Variants in PLCE1 observed in about 807,000 individuals in gnomAD.
PLCE1 encodes the protein 1-phosphatidylinositol 4,5-bisphosphate phosphodiesterase epsilon-1.
In PLCE1, 119 loss-of-function variants were observed where a neutral mutation model predicts 242.8. The ratio of observed to expected loss-of-function variants is 0.49; its 90% CI spans 0.42 to 0.57. The LOEUF is 0.57. PLCE1 is among the 20% of genes least tolerant of loss of function. The pLI, the probability that PLCE1 is intolerant of heterozygous loss-of-function variation, is 0.00. For synonymous variants in PLCE1, 945 were observed against 1,017.4 expected, an observed-to-expected ratio of 0.93 and a Z score of 1.35; for missense variants, 2,441 against 2,788.8, an observed-to-expected ratio of 0.88 and a Z score of 2.81.
chr10:94,068,938 C>T (rs2044276059), intron 2 of PLCE1, among the ~76,000 whole-genome samples: 1 of 152,240 alleles, frequency 6.6e-6, no homozygotes, highest in Non-Finnish European at 1.5e-5. Flanking sequence ...TTATTTACCT[C>T]TTATTCACTA....
intron 2 of PLCE1, among the ~76,000 whole-genome samples, chr10:94,077,904 A>C (rs988604049): frequency 5.9e-5 from 9 of 152,260 alleles, no homozygotes; most frequent in African/African-American, 2.2e-4. Flanking sequence ...TAAAAGTAAA[A>C]AGTACTCTTT....
intron 4 of PLCE1, among the ~76,000 whole-genome samples, chr10:94,198,072 C>A (rs1162443604): frequency 7.8e-6 from 1 of 127,774 alleles, no homozygotes; most frequent in South Asian, 2.3e-4. Flanking sequence ...CCACCCCCCA[C>A]CAAAAAAAAA....
intron 3 of PLCE1, among the ~76,000 whole-genome samples, chr10:94,140,568 A>G (rs1425192791): frequency 6.6e-6 from 1 of 152,230 alleles, no homozygotes; most frequent in African/African-American, 2.4e-5. Context: ...TTCTTTCACT[A>G]CAATAAGCTT....
chr10:94,287,999 T>A (rs1028397287), intron 22 of PLCE1, among the ~76,000 whole-genome samples: 2 of 152,130 alleles, frequency 1.3e-5, no homozygotes, highest in Non-Finnish European at 2.9e-5. Context: ...TGGAGCTCCT[T>A]CATTTATAGG....
intron 2 of PLCE1, among the ~76,000 whole-genome samples, chr10:94,084,709 C>G (rs183479092): frequency 1.1e-3 from 163 of 152,298 alleles, no homozygotes; most frequent in South Asian, 1.9e-3. Context: ...GGAAAAATTT[C>G]TCTTGCTGCT....
chr10:94,220,438 G>A (rs2049701457), intron 4 of PLCE1, among the ~76,000 whole-genome samples: 1 of 120,586 alleles, frequency 8.3e-6, no homozygotes, highest in South Asian at 2.9e-4. Context: ...TATTGTAATA[G>A]AAACATGCTC....
At chr10:94,011,384 C>G in intron 1 of PLCE1, among the ~76,000 whole-genome samples, 1 of 152,144 alleles carries the variant, frequency 6.6e-6, no homozygotes, top group East Asian at 1.9e-4. Flanking sequence ...TACAGTATCT[C>G]CCACTAGGCC....
chr10:94,098,543 C>T (rs2045400323), intron 2 of PLCE1, among the ~76,000 whole-genome samples: 1 of 152,122 alleles, frequency 6.6e-6, no homozygotes, highest in South Asian at 2.1e-4. Context: ...TCAGACTTCC[C>T]TGATTGTCTT....
At chr10:94,204,811 T>G (rs1050225676) in intron 4 of PLCE1, among the ~76,000 whole-genome samples, 1 of 139,956 alleles carries the variant, frequency 7.1e-6, no homozygotes, top group Non-Finnish European at 1.5e-5. Flanking sequence ...AGCAAAATAA[T>G]GTGTGCTGTA....
rs548267021 is a variant in PLCE1 at position 94,291,829 on chromosome 10, G to T, written c.5036-1679G>T. On this transcript the variant is annotated intron_variant, in intron 22 of 32. Coordinates refer to ENST00000371380, the MANE Select transcript of PLCE1 (RefSeq NM_016341.4). Reference sequence around the variant, plus strand: ...AAGTGAGCCAACGGGGTAGATGAAGGTTCTTTGTTGCTTCTTCATTATTTT... The same window carrying T: ...AAGTGAGCCAACGGGGTAGATGAAGTTTCTTTGTTGCTTCTTCATTATTTT... Among the ~76,000 whole-genome samples, 157 of 152,234 alleles carry T rather than the reference G, an allele frequency of 1.0e-3. 1 individual carries two copies. Among genetic ancestry groups the T allele is most frequent in the Non-Finnish European group, 6.8e-4 (46 of 68,000 alleles).
At chr10:94,170,862 G>C (rs927080952) in intron 3 of PLCE1, among the ~76,000 whole-genome samples, 3 of 152,114 alleles carry the variant, frequency 2.0e-5, no homozygotes, top group African/African-American at 7.2e-5. Flanking sequence ...GGAGGATAAG[G>C]AAGCAAATGG....
chr10:94,106,943 T>TCTCTCTCTCTCTCTCTCTCTCTCTCC (rs1222191133), intron 2 of PLCE1: 8 of 122,542 alleles, frequency 6.5e-5, no homozygotes, highest in African/African-American at 9.9e-5. Flanking sequence ...TCTCTCTCTC[T>TCTCTCTCTCTCTCTCTCTCTCTCTCC]CCCCCTCCCC....
At chr10:94,015,121 G>A (rs151228830) in intron 1 of PLCE1, among the ~76,000 whole-genome samples, 19 of 152,318 alleles carry the variant, frequency 1.2e-4, no homozygotes, top group Admixed American at 4.6e-4. Context: ...ATACCTCACC[G>A]CAGTTCCTGT....
At chr10:94,050,422 A>G (rs1589919394) in intron 2 of PLCE1, among the ~76,000 whole-genome samples, 1 of 152,156 alleles carries the variant, frequency 6.6e-6, no homozygotes, top group African/African-American at 2.4e-5. Context: ...TGCAATCTCC[A>G]GTCACCTCCC....
In PLCE1 at chr10:94,258,840, G is replaced by A. The variant is rs199781223; in HGVS notation, c.3595G>A (p.Gly1199Ser). ...SSSWHGRIKG[G>S]MKGFQSFMVS... ...TAGCTGGCACGGGCGGATCAAAGGC[G>A]GCATGAAGGGATTTCAGAGCTTCAT... Residue 1199 changes from glycine (G) to serine (S), a missense_variant, in exon 12 of 33, where the codon GGC becomes AGC. Around this residue, in one of 5 missense-constraint regions of PLCE1, gnomAD observed 1,004 missense variants for 1,322.7 expected, o/e 0.76. Transcript: ENST00000371380. 459 of 1,614,028 alleles carry A rather than the reference G, an allele frequency of 2.8e-4. No individual in the cohort carries two copies. The African/African-American group carries it at 4.2e-3, about 15-fold the overall frequency.
intron 3 of PLCE1, among the ~76,000 whole-genome samples, chr10:94,144,410 T>A (rs1339011371): frequency 1.3e-5 from 2 of 152,202 alleles, no homozygotes; most frequent in Non-Finnish European, 2.9e-5. Context: ...CCCACATACC[T>A]GCTGCCCCCT....
intron 29 of PLCE1, among the ~76,000 whole-genome samples, chr10:94,317,688 T>A (rs2053623730): frequency 6.6e-6 from 1 of 152,216 alleles, no homozygotes; most frequent in Admixed American, 6.5e-5. Context: ...ACTGCCATGT[T>A]GACTCCAAAC....
chr10:94,269,775 GT>G (rs929904487), intron 17 of PLCE1, among the ~76,000 whole-genome samples: 6 of 152,170 alleles, frequency 3.9e-5, no homozygotes, highest in African/African-American at 1.2e-4. Flanking sequence ...ATGAGCATCA[GT>G]TCCACCTAAG....
At chr10:94,101,081 C>T (rs750564613) in intron 2 of PLCE1, among the ~76,000 whole-genome samples, 1 of 152,126 alleles carries the variant, frequency 6.6e-6, no homozygotes, top group African/African-American at 2.4e-5. Context: ...GAGCTCTCCA[C>T]AGAGGAAATA....
Sources: gnomAD v4.1 joint callset for allele counts (sites outside exome capture counted in the v4.1 genomes callset) on GRCh38, gnomAD v4.1.1 for gene constraint, gnomAD v4.1.1 regional missense constraint, MANE v1.5 for transcripts, NCBI Gene and HGNC (gene_info 2026-07-23, HGNC 2026-07-21) for gene names.